Variants in ADAMTS17 observed in about 807,000 individuals in gnomAD.
ADAMTS17 encodes A disintegrin and metalloproteinase with thrombospondin motifs 17.
Under a neutral mutation model 141.5 loss-of-function variants are expected in ADAMTS17, and 113 were observed. The ratio of observed to expected loss-of-function variants is 0.80; its 90% CI spans 0.69 to 0.93. ADAMTS17 has a LOEUF of 0.93. Among genes scored for constraint, ADAMTS17 ranks in the 40% least tolerant of loss-of-function variants. The probability of loss-of-function intolerance (pLI) is 0.00; values close to 1 mark genes in which losing one functional copy is unlikely to be tolerated. For synonymous variants in ADAMTS17, 768 were observed against 630.6 expected, an observed-to-expected ratio of 1.22 and a Z score of -3.27; for missense variants, 1,659 against 1,517.9, an observed-to-expected ratio of 1.09 and a Z score of -1.54.
chr15:100,229,652 G>C (rs960223803), intron 7 of ADAMTS17, among the ~76,000 whole-genome samples: 1 of 152,142 alleles, frequency 6.6e-6, no homozygotes, highest in African/African-American at 2.4e-5. Context: ...ATGTCCCAGA[G>C]GCAACCACTC....
At chr15:100,300,506 C>A (rs983111141) in intron 3 of ADAMTS17, among the ~76,000 whole-genome samples, 1 of 152,204 alleles carries the variant, frequency 6.6e-6, no homozygotes, top group East Asian at 1.9e-4. Context: ...CACTGGATTA[C>A]CAAGAGGACA....
chr15:100,268,369 T>C (rs2142021543), intron 4 of ADAMTS17, among the ~76,000 whole-genome samples: 1 of 152,280 alleles, frequency 6.6e-6, no homozygotes, highest in Middle Eastern at 3.4e-3. Context: ...CTCTGAGAAA[T>C]CTCCAAACTG....
chr15:100,172,675 G>T (rs961232895), intron 8 of ADAMTS17, among the ~76,000 whole-genome samples: 2 of 152,108 alleles, frequency 1.3e-5, no homozygotes, highest in Admixed American at 1.3e-4. Context: ...TAGCCAATCG[G>T]AATTAGCTTA....
intron 14 of ADAMTS17, among the ~76,000 whole-genome samples, chr15:100,096,982 G>T (rs2035799619): frequency 6.6e-6 from 1 of 152,234 alleles, no homozygotes; most frequent in Non-Finnish European, 1.5e-5. Flanking sequence ...AGCTCATTCA[G>T]GCAGGGCTTG....
At chr15:100,096,016 G>C (rs2035733185) in intron 15 of ADAMTS17, among the ~76,000 whole-genome samples, 1 of 152,170 alleles carries the variant, frequency 6.6e-6, no homozygotes, top group African/African-American at 2.4e-5. Flanking sequence ...AAAATGATTT[G>C]GCAGGTGTCT....
intron 7 of ADAMTS17, among the ~76,000 whole-genome samples, chr15:100,230,369 T>C (rs2042441224): frequency 6.6e-6 from 1 of 152,212 alleles, no homozygotes; most frequent in Non-Finnish European, 1.5e-5. Context: ...TTCCTGTGTA[T>C]AACTCTTTCC....
At chr15:100,117,929 C>T (rs2037241216) in intron 12 of ADAMTS17, among the ~76,000 whole-genome samples, 1 of 152,200 alleles carries the variant, frequency 6.6e-6, no homozygotes, top group Admixed American at 6.5e-5. Flanking sequence ...TCACACACAC[C>T]TGTTGGCCAA....
intron 4 of ADAMTS17, among the ~76,000 whole-genome samples, chr15:100,276,566 T>A (rs72633240): frequency 0.16 from 23,218 of 146,740 alleles, 2,248 homozygotes; most frequent in East Asian, 0.33. Flanking sequence ...TCATGCTATT[T>A]CCCACAACTC....
At chr15:100,180,992 T>C (rs1336133543) in intron 8 of ADAMTS17, among the ~76,000 whole-genome samples, 3 of 152,158 alleles carry the variant, frequency 2.0e-5, no homozygotes, top group Admixed American at 6.5e-5. Flanking sequence ...TACCTGGTGG[T>C]CTATTCTACT....
intron 3 of ADAMTS17, among the ~76,000 whole-genome samples, chr15:100,328,874 G>C (rs2045967379): frequency 6.6e-6 from 1 of 152,158 alleles, no homozygotes; most frequent in South Asian, 2.1e-4. Context: ...AGAGAGAACA[G>C]TGAGAAGAAG....
chr15:100,044,755 A>C (rs557425555), intron 18 of ADAMTS17, among the ~76,000 whole-genome samples: 2 of 152,214 alleles, frequency 1.3e-5, no homozygotes, highest in East Asian at 3.9e-4. Flanking sequence ...TACACTAATC[A>C]ACAGCAGCAC....
At chr15:100,173,928 C>T (rs140681852) in intron 8 of ADAMTS17, among the ~76,000 whole-genome samples, 26 of 152,318 alleles carry the variant, frequency 1.7e-4, no homozygotes, top group Non-Finnish European at 3.1e-4. Context: ...TAGAAACAGG[C>T]TGTCTGTGAA....
At chr15:100,108,898 C>T in intron 14 of ADAMTS17, 91 bp downstream of exon 14, 11 of 1,605,206 alleles carry the variant, frequency 6.9e-6, no homozygotes, top group Non-Finnish European at 9.3e-6. Flanking sequence ...CCCTAGGCCT[C>T]CTGAGACCTC....
intron 7 of ADAMTS17, among the ~76,000 whole-genome samples, chr15:100,224,736 G>C (rs889010240): frequency 3.3e-5 from 5 of 152,202 alleles, no homozygotes; most frequent in Admixed American, 6.5e-5. Flanking sequence ...GTCCTGCACT[G>C]ACCGCACCAG....
intron 9 of ADAMTS17, among the ~76,000 whole-genome samples, chr15:100,154,580 C>T (rs1379549490): frequency 6.6e-6 from 1 of 152,178 alleles, no homozygotes; most frequent in Non-Finnish European, 1.5e-5. Context: ...ACCCTGAGGT[C>T]TTGACACTAA....
At chr15:100,158,960 C>T (rs941080146) in intron 8 of ADAMTS17, among the ~76,000 whole-genome samples, 2 of 152,016 alleles carry the variant, frequency 1.3e-5, no homozygotes, top group African/African-American at 4.8e-5. Flanking sequence ...TATGAAAATA[C>T]AAAACATGAC....
intron 4 of ADAMTS17, among the ~76,000 whole-genome samples, chr15:100,266,047 A>G (rs965450651): frequency 1.3e-5 from 2 of 152,202 alleles, no homozygotes; most frequent in Non-Finnish European, 2.9e-5. Flanking sequence ...ATGGTAACTG[A>G]GTAAAATTCA....
intron 14 of ADAMTS17, among the ~76,000 whole-genome samples, chr15:100,104,774 C>G (rs1430934552): frequency 3.3e-5 from 5 of 152,208 alleles, no homozygotes; most frequent in Non-Finnish European, 5.9e-5. Flanking sequence ...GAGGTTTTAA[C>G]ATTACAATTA....
intron 18 of ADAMTS17, among the ~76,000 whole-genome samples, chr15:100,003,896 G>C (rs181345865): frequency 1.3e-5 from 2 of 150,772 alleles, no homozygotes; most frequent in African/African-American, 5.0e-5. Context: ...TTTAATGGGG[G>C]CAGACCTTCA....
Sources: gnomAD v4.1 joint callset for allele counts (sites outside exome capture counted in the v4.1 genomes callset) on GRCh38, gnomAD v4.1.1 for gene constraint, MANE v1.5 for transcripts, NCBI Gene and HGNC (gene_info 2026-07-23, HGNC 2026-07-21) for gene names.